Variants in CHD9 observed in about 807,000 individuals in gnomAD.
CHD9 encodes chromodomain helicase DNA binding protein 9, also known as ATP-dependent chromatin remodeler CHD9.
CHD9 carries 77 observed loss-of-function variants against 316.1 expected under a neutral mutation model. The ratio of observed to expected loss-of-function variants is 0.24; its 90% confidence interval spans 0.20 to 0.29. The LOEUF is 0.29. Among genes scored for constraint, CHD9 ranks in the 10% least tolerant of loss-of-function variants. The pLI is 1.00. For synonymous variants in CHD9, 1,129 were observed against 1,158.3 expected (o/e 0.97, Z 0.51); for missense variants, 2,763 against 3,438.1 (o/e 0.80, Z 4.91).
chr16:53,074,756 T>A (rs1305469156), intron 1 of CHD9, among the ~76,000 whole-genome samples: 1 of 152,156 alleles, frequency 6.6e-6, no homozygotes. Context: ...TTTTAGAAGA[T>A]GTATGGAGAC....
chr16:53,248,022 T>G (rs1038076019), intron 16 of CHD9: 1 of 152,772 alleles, frequency 6.5e-6, no homozygotes, highest in Middle Eastern at 3.4e-3. Flanking sequence ...CACAATAAGA[T>G]AGTGTTAAAT....
In CHD9 at chr16:53,324,112, A is replaced by G. The variant is rs1306897752; in HGVS notation, c.7911A>G (p.Gly2637=). ...VSRRGRRPKS[G]IAKATAAAAA... is the part of the protein sequence containing the mutation. ...GGCGGGGGAGACGGCCTAAAAGTGG[A>G]ATTGCAAAGGCCACAGCAGCAGCAG... The change falls in exon 39 of 39, where the codon GGA becomes GGG. Residue 2637 remains glycine (G), a synonymous_variant. Coordinates refer to ENST00000447540, the MANE Select transcript of CHD9 (RefSeq NM_001308319.2). The G allele has an allele frequency of 6.2e-7, 1 of 1,613,988 alleles. No individual in the cohort carries two copies. The highest frequency in any genetic ancestry group is 8.5e-7 in the Non-Finnish European group (1 of 1,179,872).
intron 1 of CHD9, among the ~76,000 whole-genome samples, chr16:53,144,337 C>T (rs1026723646): frequency 1.3e-5 from 2 of 152,026 alleles, no homozygotes; most frequent in East Asian, 1.9e-4. Context: ...GAAACAGGGC[C>T]GGAGTTGAAT....
intron 2 of CHD9, among the ~76,000 whole-genome samples, chr16:53,185,378 C>A (rs1167095876): frequency 6.6e-6 from 1 of 152,134 alleles, no homozygotes; most frequent in Non-Finnish European, 1.5e-5. Flanking sequence ...TTTCCCTGCC[C>A]TGGAGACCTG....
chr16:53,115,734 C>A lies in CHD9; in HGVS notation c.-164-40192C>A, dbSNP rs577397579. Among the ~76,000 whole-genome samples, 9 of 152,278 alleles carry A rather than the reference C, an allele frequency of 5.9e-5. 1 individual carries two copies. Among genetic ancestry groups the A allele is most frequent in the South Asian group, 4.1e-4 (2 of 4,820 alleles). On this transcript the variant is annotated intron_variant, in intron 1 of 38. Coordinates refer to ENST00000447540, the MANE Select transcript of CHD9 (RefSeq NM_001308319.2). ...GAGTTTTTCGAGGAACAAGACAGAA[C>A]CTGCTTATGCCTTAAGATGCTTTCT...
At chr16:53,155,605 A>C (rs1035133460) in intron 1 of CHD9, among the ~76,000 whole-genome samples, 2 of 152,292 alleles carry the variant, frequency 1.3e-5, no homozygotes, top group East Asian at 3.9e-4. Flanking sequence ...GCATACTCAG[A>C]GTTGTTTATC....
rs116233615 is a variant in CHD9, at chr16:53,293,075, T to C, written c.5510+23T>C. The C allele has an allele frequency of 4.4e-4, 686 of 1,561,882 alleles. 4 individuals carry two copies. The African/African-American group carries it at 8.6e-3, about 20-fold the overall frequency. ...AAGGTAAGACAATAACACTAAATTTTTAATGTATTGTCTAAATGTAGCTGT... is the reference window on the plus strand; with the variant it reads ...AAGGTAAGACAATAACACTAAATTTCTAATGTATTGTCTAAATGTAGCTGT... On this transcript the variant is annotated intron_variant, in intron 29 of 38. Transcript: ENST00000447540.
At chr16:53,275,919 G>A (rs573859128) in intron 24 of CHD9, among the ~76,000 whole-genome samples, 9 of 152,000 alleles carry the variant, frequency 5.9e-5, no homozygotes, top group South Asian at 2.1e-4. Context: ...CACTACAGCC[G>A]CATAATCACC....
chr16:53,285,816 C>A, intron 25 of CHD9, 117 bp downstream of exon 25: 1 of 563,848 alleles, frequency 1.8e-6, no homozygotes, highest in Non-Finnish European at 3.1e-6. Context: ...GTTATATATA[C>A]AGAATTAAAA....
At chr16:53,188,860 C>T (rs554984519) in intron 2 of CHD9, among the ~76,000 whole-genome samples, 2 of 152,090 alleles carry the variant, frequency 1.3e-5, no homozygotes, top group East Asian at 1.9e-4. Flanking sequence ...GCTGGGATTA[C>T]AGGCGTGAGC....
intron 1 of CHD9, among the ~76,000 whole-genome samples, chr16:53,075,190 A>C (rs2152523000): frequency 6.6e-6 from 1 of 152,188 alleles, no homozygotes; most frequent in East Asian, 1.9e-4. Context: ...GTTTTGGCCA[A>C]TTTCTCCCAT....
chr16:53,278,518 T>G (rs1375384513), intron 24 of CHD9, among the ~76,000 whole-genome samples: 2 of 152,134 alleles, frequency 1.3e-5, no homozygotes, highest in Non-Finnish European at 2.9e-5. Context: ...AGACACCCTA[T>G]TCAACAAATG....
chr16:53,146,223 T>TAA (rs776269746), intron 1 of CHD9, among the ~76,000 whole-genome samples: 29,149 of 97,638 alleles, frequency 0.3, 4,183 homozygotes, highest in Middle Eastern at 0.34. Context: ...CCGTCTCTAC[T>TAA]AAAAAAAAAA....
At chr16:53,171,678 G>A (rs1287788431) in intron 2 of CHD9, among the ~76,000 whole-genome samples, 5 of 151,788 alleles carry the variant, frequency 3.3e-5, no homozygotes, top group South Asian at 2.1e-4. Context: ...GCAAAACCCC[G>A]TCTCTACAAA....
chr16:53,058,430 T>C (rs535293799), intron 1 of CHD9, among the ~76,000 whole-genome samples: 1 of 152,296 alleles, frequency 6.6e-6, no homozygotes, highest in South Asian at 2.1e-4. Context: ...ATAAGGTATC[T>C]TTAAACAGAA....
chr16:53,210,650 G>A (rs8060462), intron 3 of CHD9, among the ~76,000 whole-genome samples: 5,746 of 152,036 alleles, frequency 0.038, 379 homozygotes, highest in African/African-American at 0.13. Flanking sequence ...ACATAAAGGG[G>A]TCAATCTAAC....
At chr16:53,222,303 T>TG (rs2047315049) in intron 3 of CHD9, among the ~76,000 whole-genome samples, 3 of 152,088 alleles carry the variant, frequency 2.0e-5, no homozygotes, top group African/African-American at 4.8e-5. Context: ...CTCGAACTCC[T>TG]AACCTTTTTC....
Position 53,157,204 on chromosome 16 carries a change from G to T in CHD9, c.1115G>T (p.Gly372Val), listed in dbSNP as rs200765826. The T allele has an allele frequency of 7.4e-5, 118 of 1,605,224 alleles. No homozygotes were observed. Among genetic ancestry groups the T allele is most frequent in the Non-Finnish European group, 9.6e-5 (113 of 1,175,310 alleles). The change falls in exon 2 of 39, where the codon GGC (glycine) becomes GTC (valine). Residue 372 changes from glycine (G) to valine (V), a missense_variant. By Grantham distance (109) the Gly-to-Val change is moderately radical. Around this residue, in one of 15 missense-constraint regions of CHD9, gnomAD observed 859 missense variants for 890.4 expected, o/e 0.96. Coordinates refer to ENST00000447540, the MANE Select transcript of CHD9 (RefSeq NM_001308319.2). ...PDPVDSGTQM[G>V]HFNDHVETNG... ...CCTGTTGACTCAGGAACTCAAATGG[G>T]CCATTTCAATGATCATGTAGAAACT...
intron 27 of CHD9, among the ~76,000 whole-genome samples, chr16:53,290,788 AG>A (rs1567630336): frequency 1.3e-5 from 2 of 152,208 alleles, no homozygotes; most frequent in African/African-American, 4.8e-5. Context: ...GAAAAACAAA[AG>A]AAAAATATGA....
Sources: gnomAD v4.1 joint callset for allele counts (sites outside exome capture counted in the v4.1 genomes callset) on GRCh38, gnomAD v4.1.1 for gene constraint, gnomAD v4.1.1 regional missense constraint, MANE v1.5 for transcripts, NCBI Gene and HGNC (gene_info 2026-07-23, HGNC 2026-07-21) for gene names.